The following CNTN1 variants were observed in gnomAD, a reference collection of about 807,000 sequenced individuals.
The protein encoded by CNTN1 is contactin-1.
In CNTN1, 38 loss-of-function variants were observed where a neutral mutation model predicts 126.4. The observed-to-expected ratio is 0.30, with a 90% CI of 0.23 to 0.39. The LOEUF (loss-of-function observed/expected upper bound fraction) is 0.39. CNTN1 is among the 10% of genes least tolerant of loss of function. The pLI is 1.00. For synonymous variants in CNTN1, 413 were observed against 422.6 expected, an observed-to-expected ratio of 0.98 and a Z score of 0.28; for missense variants, 1,009 against 1,248.4, an observed-to-expected ratio of 0.81 and a Z score of 2.89.
chr12:40,794,426 T>TA (rs1359243989), intron 1 of CNTN1, among the ~76,000 whole-genome samples: 2 of 143,976 alleles, frequency 1.4e-5, no homozygotes, highest in Non-Finnish European at 3.1e-5. Context: ...TTGAATTTAA[T>TA]AATGAATAAC....
chr12:40,825,793 TG>T (rs1435072255), intron 1 of CNTN1, among the ~76,000 whole-genome samples: 3 of 152,176 alleles, frequency 2.0e-5, no homozygotes, highest in Non-Finnish European at 4.4e-5. Flanking sequence ...TCTACTTTGC[TG>T]GGTTCTAATT....
chr12:40,824,041 C>T (rs74076657), intron 1 of CNTN1, among the ~76,000 whole-genome samples: 539 of 152,076 alleles, frequency 3.5e-3, no homozygotes, highest in African/African-American at 0.013. Context: ...CTTATGGCAT[C>T]CAGTCTATCA....
intron 15 of CNTN1, among the ~76,000 whole-genome samples, chr12:40,963,736 A>G (rs1489704564): frequency 6.6e-6 from 1 of 152,052 alleles, no homozygotes; most frequent in Non-Finnish European, 1.5e-5. Context: ...CTGTTGTTGC[A>G]ATAAAATTTT....
At chr12:41,001,823 A>G (rs1450470014) in intron 17 of CNTN1, among the ~76,000 whole-genome samples, 2 of 152,134 alleles carry the variant, frequency 1.3e-5, no homozygotes, top group African/African-American at 4.8e-5. Flanking sequence ...AAGGGGTCCA[A>G]TTTCAATCTT....
chr12:40,908,393 C>CT lies in CNTN1; in HGVS notation c.-34dup. ...TATCCAACTGCCATAGAGCTAAATT[C>CT]TTTTTTGGAAAATTGAACCGAACTT... On this transcript the variant is annotated 5_prime_UTR_variant, in exon 2 of 24. Coordinates refer to ENST00000551295, the MANE Select transcript of CNTN1 (RefSeq NM_001843.4). 6.4e-7 allele frequency: 1 copy of CT among 1,573,612 alleles called. No individual in the cohort carries two copies. The highest frequency in any genetic ancestry group is 1.1e-5 in the South Asian group (1 of 90,034).
intron 1 of CNTN1, among the ~76,000 whole-genome samples, chr12:40,812,912 T>C (rs1053001894): frequency 2.6e-5 from 4 of 151,858 alleles, no homozygotes; most frequent in African/African-American, 7.2e-5. Context: ...GTAATTATTT[T>C]AGGTAAGGAC....
At chr12:40,837,999 C>T (rs548600250) in intron 1 of CNTN1, among the ~76,000 whole-genome samples, 1 of 152,302 alleles carries the variant, frequency 6.6e-6, no homozygotes, top group African/African-American at 2.4e-5. Context: ...ATCGCTGCTA[C>T]TGCTTCTCCC....
chr12:40,936,803 C>T lies in CNTN1; in HGVS notation c.1008C>T (p.His336=), dbSNP rs1946095476. ...YVQAFPEWVE[H]INDTEVDIGS... The stretch of plus-strand genomic sequence containing the variant: ...TAGCATTCCCTGAGTGGGTAGAACA[C>T]ATCAATGACACAGAGGTGGACATAG... The change falls in exon 10 of 24, where the codon CAC becomes CAT. Residue 336 remains histidine (H), a synonymous_variant. Coordinates refer to ENST00000551295, the MANE Select transcript of CNTN1 (RefSeq NM_001843.4). 6.2e-7 allele frequency: 1 copy of T among 1,613,182 alleles called. No homozygotes were observed. Among genetic ancestry groups the T allele is most frequent in the African/African-American group, 1.3e-5 (1 of 74,890 alleles).
intron 17 of CNTN1, among the ~76,000 whole-genome samples, chr12:40,994,604 G>A (rs778115684): frequency 2.0e-4 from 30 of 152,130 alleles, no homozygotes; most frequent in Admixed American, 3.3e-4. Context: ...AACATATGCA[G>A]CTCTAGGGAA....
At chr12:40,826,863 T>G (rs1707259002) in intron 1 of CNTN1, among the ~76,000 whole-genome samples, 1 of 151,766 alleles carries the variant, frequency 6.6e-6, no homozygotes, top group African/African-American at 2.4e-5. Flanking sequence ...GAAATATGAA[T>G]TGTGTGTGTG....
At chr12:41,026,954 G>C in intron 21 of CNTN1, among the ~76,000 whole-genome samples, 1 of 152,086 alleles carries the variant, frequency 6.6e-6, no homozygotes, top group Non-Finnish European at 1.5e-5. Context: ...AGGCAGAGTT[G>C]ACAACTTGCT....
intron 1 of CNTN1, among the ~76,000 whole-genome samples, chr12:40,841,316 G>C (rs1228573710): frequency 6.6e-6 from 1 of 151,916 alleles, no homozygotes; most frequent in Non-Finnish European, 1.5e-5. Flanking sequence ...GAAAAACCCT[G>C]TATCAGATGG....
At chr12:40,918,491 C>A in intron 3 of CNTN1, 148 bp from the exon 4 acceptor site, 1 of 689,594 alleles carries the variant, frequency 1.5e-6, no homozygotes. Context: ...TGATGTTTGG[C>A]TCAGTATTAT....
chr12:40,847,908 C>T (rs1418633012), intron 1 of CNTN1, among the ~76,000 whole-genome samples: 1 of 152,188 alleles, frequency 6.6e-6, no homozygotes, highest in Non-Finnish European at 1.5e-5. Context: ...ATTAGATTCT[C>T]ATAAGAAGCG....
intron 1 of CNTN1, among the ~76,000 whole-genome samples, chr12:40,810,004 C>A (rs1310485875): frequency 1.3e-5 from 2 of 152,048 alleles, no homozygotes; most frequent in Non-Finnish European, 2.9e-5. Context: ...GATCAGTGTG[C>A]ATTATTAGTG....
At chr12:40,931,990 G>A (rs1048586042) in intron 7 of CNTN1, among the ~76,000 whole-genome samples, 6 of 151,890 alleles carry the variant, frequency 4.0e-5, no homozygotes, top group African/African-American at 1.4e-4. Context: ...TGTTTTGCCT[G>A]AAGTATTGAA....
chr12:40,899,010 A>T (rs79386453), intron 1 of CNTN1, among the ~76,000 whole-genome samples: 1 of 152,196 alleles, frequency 6.6e-6, no homozygotes, highest in African/African-American at 2.4e-5. Flanking sequence ...GCATCTCCAC[A>T]GTGGAGTAAG....
Position 40,728,397 on chromosome 12 carries a change from C to A in CNTN1, c.-77+35805C>A, listed in dbSNP as rs539612925. Among the ~76,000 whole-genome samples the A allele has an allele frequency of 1.8e-3, 267 of 152,162 alleles. 2 individuals carry two copies. Among genetic ancestry groups the A allele is most frequent in the Middle Eastern group, 3.4e-3 (1 of 294 alleles). On this transcript the variant is annotated intron_variant, in intron 1 of 23. Transcript: ENST00000551295. ...GCAAGTGACCATATCCAGGCAGGAA[C>A]AAGGGGAAGGGTAGAGGACCTAAAA...
At chr12:40,869,408 A>T (rs1479362855) in intron 1 of CNTN1, among the ~76,000 whole-genome samples, 5 of 151,750 alleles carry the variant, frequency 3.3e-5, no homozygotes, top group African/African-American at 1.2e-4. Flanking sequence ...AGTTTGGACT[A>T]CAGGTGTATG....
Sources: gnomAD v4.1 joint callset for allele counts (sites outside exome capture counted in the v4.1 genomes callset) on GRCh38, gnomAD v4.1.1 for gene constraint, MANE v1.5 for transcripts, NCBI Gene and HGNC (gene_info 2026-07-23, HGNC 2026-07-21) for gene names.